Variants in TRABD2B observed in about 807,000 individuals in gnomAD.
TRABD2B encodes the protein TraB domain containing 2B, also known as metalloprotease TIKI2.
A neutral mutation model predicts 40.1 loss-of-function variants in TRABD2B; 14 were observed. The observed-to-expected ratio is 0.35, with a 90% CI of 0.23 to 0.55. TRABD2B has a LOEUF of 0.55. TRABD2B is among the 20% of genes least tolerant of loss of function. The probability of loss-of-function intolerance (pLI) is 0.90; values close to 1 mark genes in which losing one functional copy is unlikely to be tolerated. For synonymous variants in TRABD2B, 263 were observed against 277.0 expected (o/e 0.95, Z 0.50); for missense variants, 541 against 648.6 (o/e 0.83, Z 1.80).
chr1:47,931,727 A>T (rs568427500), intron 2 of TRABD2B, among the ~76,000 whole-genome samples: 4 of 151,944 alleles, frequency 2.6e-5, no homozygotes, highest in Non-Finnish European at 5.9e-5. Flanking sequence ...ACCCGAGTGA[A>T]CTCTCAGGAT....
chr1:47,821,945 A>G (rs755378600), intron 2 of TRABD2B, among the ~76,000 whole-genome samples: 16 of 152,200 alleles, frequency 1.1e-4, no homozygotes, highest in Non-Finnish European at 1.9e-4. Context: ...AGCCAACCAG[A>G]AAATGTAACT....
chr1:47,866,127 A>G (rs1455122766), intron 2 of TRABD2B, among the ~76,000 whole-genome samples: 1 of 151,964 alleles, frequency 6.6e-6, no homozygotes, highest in Non-Finnish European at 1.5e-5. Context: ...CAGGAAGGTG[A>G]GCCCTGTCCA....
intron 2 of TRABD2B, among the ~76,000 whole-genome samples, chr1:47,885,355 G>A (rs1357403676): frequency 6.6e-6 from 1 of 152,180 alleles, no homozygotes; most frequent in Non-Finnish European, 1.5e-5. Context: ...CTTACCATGT[G>A]TATCACTGTG....
intron 6 of TRABD2B, among the ~76,000 whole-genome samples, chr1:47,771,662 C>A (rs1457830928): frequency 2.0e-5 from 3 of 152,224 alleles, no homozygotes; most frequent in South Asian, 4.1e-4. Flanking sequence ...TTTTAGAGCA[C>A]CCTGGTCACA....
intron 2 of TRABD2B, among the ~76,000 whole-genome samples, chr1:47,993,516 G>A (rs186638269): frequency 1.1e-3 from 169 of 152,260 alleles, no homozygotes; most frequent in African/African-American, 3.8e-3. Flanking sequence ...GCACAGAGCC[G>A]GGAAACTGAT....
rs115548156 is a variant in TRABD2B, at chr1:47,885,570, G to C, written c.667-83951C>G. On this transcript the variant is annotated intron_variant, in intron 2 of 6. Transcript: ENST00000606738. ...TGGTGGCAGGGGACCGTGATTTAAC[G>C]AAGCAAGGGGAAGTTTCTTTATGTG... Among the ~76,000 whole-genome samples, 664 of 152,256 alleles carry C rather than the reference G, an allele frequency of 4.4e-3. 4 individuals are homozygous for C. Among genetic ancestry groups the C allele is most frequent in the African/African-American group, 0.015 (636 of 41,542 alleles).
At position 47,897,037 on chromosome 1, in the gene TRABD2B, A is replaced by G. The variant is rs544449460; in HGVS notation, c.667-95418T>C. Among the ~76,000 whole-genome samples, 3 of 152,326 alleles carry G rather than the reference A, an allele frequency of 2.0e-5. No individual in the cohort carries two copies. In the South Asian group the frequency reaches 6.2e-4, roughly 32 times the overall value. ...CACAAGGTATTGGATGTGATAGGGT[A>G]AGATGGACAGTAAACAAAAAACATA... On this transcript the variant is annotated intron_variant, in intron 2 of 6. Coordinates refer to ENST00000606738, the MANE Select transcript of TRABD2B (RefSeq NM_001194986.2).
At chr1:47,966,645 T>C (rs1443898222) in intron 2 of TRABD2B, among the ~76,000 whole-genome samples, 1 of 152,100 alleles carries the variant, frequency 6.6e-6, no homozygotes, top group African/African-American at 2.4e-5. Context: ...TGGCTCACAC[T>C]TGTAATCTCA....
intron 2 of TRABD2B, among the ~76,000 whole-genome samples, chr1:47,867,817 T>C (rs1644081800): frequency 6.6e-6 from 1 of 152,192 alleles, no homozygotes; most frequent in South Asian, 2.1e-4. Flanking sequence ...TATTTTAAAA[T>C]ACTAGCAACC....
chr1:47,987,122 G>T (rs1380724250), intron 2 of TRABD2B, among the ~76,000 whole-genome samples: 1 of 152,108 alleles, frequency 6.6e-6, no homozygotes, highest in Non-Finnish European at 1.5e-5. Flanking sequence ...ACAAAGGCAC[G>T]CTCCCATTTT....
chr1:47,875,589 A>T (rs913173802), intron 2 of TRABD2B, among the ~76,000 whole-genome samples: 4 of 140,402 alleles, frequency 2.8e-5, no homozygotes, highest in Non-Finnish European at 6.1e-5. Flanking sequence ...CAGAAGGCTG[A>T]GGTGGGGGCA....
chr1:47,845,074 C>T lies in TRABD2B; in HGVS notation c.667-43455G>A, dbSNP rs569474533. On this transcript the variant is annotated intron_variant, in intron 2 of 6. Coordinates refer to ENST00000606738, the MANE Select transcript of TRABD2B (RefSeq NM_001194986.2). ...GCATCCACCCAGCATCACTGTCCCC[C>T]GTCCATCAATCTCCAGACGCTGGTC... Among the ~76,000 whole-genome samples, 385 of 152,284 alleles carry T rather than the reference C, an allele frequency of 2.5e-3. 4 individuals are homozygous for T. The highest frequency in any genetic ancestry group is 4.0e-3 in the Non-Finnish European group (273 of 68,004).
intron 4 of TRABD2B, among the ~76,000 whole-genome samples, chr1:47,793,882 T>G (rs1644709182): frequency 6.6e-6 from 1 of 152,118 alleles, no homozygotes; most frequent in Admixed American, 6.5e-5. Context: ...TAGACTCCCC[T>G]TTGCATGAGG....
chr1:47,790,959 G>A (rs1644663145), intron 4 of TRABD2B, among the ~76,000 whole-genome samples: 1 of 152,158 alleles, frequency 6.6e-6, no homozygotes, highest in Admixed American at 6.5e-5. Flanking sequence ...AGGTGAAATG[G>A]CTTTCCCAGC....
Position 47,794,702 on chromosome 1 carries a change from A to C in TRABD2B, c.872T>G (p.Ile291Ser), listed in dbSNP as rs1447883485. 1 of 1,536,180 alleles carries C rather than the reference A, an allele frequency of 6.5e-7. No homozygotes were observed. Residue 291 changes from isoleucine (I) to serine (S), a missense_variant, in exon 4 of 7, where the codon ATT (isoleucine) becomes AGT (serine). Around this residue, in one of 2 missense-constraint regions of TRABD2B, gnomAD observed 369 missense variants for 492.8 expected, o/e 0.75. Transcript: ENST00000606738. ...GAGCTCCTGGCGGAAGTAGCTGTCAATCTCCTGGGCCGTCACCTGCTCGTG... is the reference window on the plus strand; with the variant it reads ...GAGCTCCTGGCGGAAGTAGCTGTCACTCTCCTGGGCCGTCACCTGCTCGTG... ...PPHEQVTAQE[I>S]DSYFRQELIY... is the part of the protein sequence containing the mutation.
intron 2 of TRABD2B, among the ~76,000 whole-genome samples, chr1:47,883,368 G>T (rs1337450838): frequency 1.3e-5 from 2 of 152,206 alleles, no homozygotes; most frequent in Non-Finnish European, 2.9e-5. Flanking sequence ...TTATAGGCTT[G>T]ATGTTCAAGT....
chr1:47,794,813 G>A, intron 3 of TRABD2B, 53 bp from the exon 4 acceptor site: 4 of 708,406 alleles, frequency 5.6e-6, no homozygotes, highest in African/African-American at 3.0e-5. Flanking sequence ...TTTTTTTTTT[G>A]ATAAAGGGTG....
chr1:47,806,602 A>C (rs183783439), intron 2 of TRABD2B, among the ~76,000 whole-genome samples: 2 of 152,316 alleles, frequency 1.3e-5, no homozygotes, highest in Admixed American at 1.3e-4. Flanking sequence ...GCTCCAGAGC[A>C]TCCTCTGTGG....
intron 2 of TRABD2B, among the ~76,000 whole-genome samples, chr1:47,818,390 G>T (rs1645063673): frequency 6.6e-6 from 1 of 152,206 alleles, no homozygotes; most frequent in Non-Finnish European, 1.5e-5. Flanking sequence ...GACCTGTTTT[G>T]CCATCTCTGA....
Sources: allele counts gnomAD v4.1 joint callset (sites outside exome capture counted in the v4.1 genomes callset), GRCh38; gene constraint gnomAD v4.1.1; regional missense constraint gnomAD v4.1.1; transcripts MANE v1.5; gene names NCBI Gene and HGNC (gene_info 2026-07-23, HGNC 2026-07-21).